Variants in ABCG4 observed in about 807,000 individuals in gnomAD.
ABCG4 encodes ATP-binding cassette sub-family G member 4.
Under a neutral mutation model 64.6 loss-of-function variants are expected in ABCG4, and 35 were observed. The ratio of observed to expected loss-of-function variants is 0.54; its 90% CI spans 0.41 to 0.72. The LOEUF is 0.72. ABCG4 is among the 30% of genes least tolerant of loss of function. The pLI is 0.00. For missense variants in ABCG4, 610 were observed against 846.3 expected, an observed-to-expected ratio of 0.72 and a Z score of 3.46; for synonymous variants, 326 against 348.2, an observed-to-expected ratio of 0.94 and a Z score of 0.71.
In ABCG4 at chr11:119,160,364, A is replaced by G. The variant is rs749677316; in HGVS notation, c.1575A>G (p.Gly525=). The G allele has an allele frequency of 6.2e-5, 100 of 1,611,304 alleles. No homozygotes were observed. Among genetic ancestry groups the G allele is most frequent in the Non-Finnish European group, 8.4e-5 (99 of 1,177,974 alleles). The part of the protein sequence containing the change: ...LVAQSLGLLI[G]AASNSLQVAT... ...CCCAATCTTTGGGGCTGCTGATCGG[A>G]GCTGCTTCCAACTCCCTACAGGTGG... is the stretch of plus-strand genomic sequence containing the variant. Residue 525 remains glycine, a synonymous_variant, in exon 13 of 15, where the codon GGA becomes GGG. Coordinates refer to ENST00000619701, the MANE Select transcript of ABCG4 (RefSeq NM_022169.5). This position sits in a 1 kb window ranked among gnomAD's most constrained non-coding sequence, Gnocchi z 4.6.
chr11:119,151,773 C>T (rs1948195723), intron 2 of ABCG4, among the ~76,000 whole-genome samples: 1 of 152,168 alleles, frequency 6.6e-6, no homozygotes, highest in South Asian at 2.1e-4. Flanking sequence ...CTACTGACGG[C>T]GGCAGAACTA....
rs764766670 is a variant in ABCG4, at chr11:119,149,948, T to G, written c.-12-6T>G. Reference sequence around the variant, plus strand: ...GCCCCAAACTGAGCAGGCCCTCCCCTTGCAGGTCGGCGGCGTGATGGCGGA... The same window carrying G: ...GCCCCAAACTGAGCAGGCCCTCCCCGTGCAGGTCGGCGGCGTGATGGCGGA... On this transcript the variant is annotated splice_region_variant and splice_polypyrimidine_tract_variant and intron_variant, in intron 1 of 14. Transcript: ENST00000619701. The surrounding 1 kb of genome is among the most constrained non-coding windows in gnomAD (Gnocchi z 8.3). 1.3e-6 allele frequency: 2 copies of G among 1,599,882 alleles called. No individual in the cohort carries two copies. Among genetic ancestry groups the G allele is most frequent in the South Asian group, 2.2e-5 (2 of 90,752 alleles).
In ABCG4 at chr11:119,158,972, T is replaced by C. The variant is rs1192687040; in HGVS notation, c.1437+43T>C. On this transcript the variant is annotated intron_variant, in intron 12 of 14. Transcript: ENST00000619701. This position sits in a 1 kb window ranked among gnomAD's most constrained non-coding sequence, Gnocchi z 4.5. ...ACCTGCCCACTGCCTCCATCTTGTC[T>C]TGCTCCTTCTATCCTTGCTTTCTTG... 4 of 1,577,968 alleles carry C rather than the reference T, an allele frequency of 2.5e-6. No homozygotes were observed. The African/African-American group carries it at 5.4e-5, about 21-fold the overall frequency.
rs1948290275 is a variant in ABCG4 at position 119,158,082 on chromosome 11, C to A, written c.1069-152C>A. On this transcript the variant is annotated intron_variant, in intron 9 of 14. Coordinates refer to ENST00000619701, the MANE Select transcript of ABCG4 (RefSeq NM_022169.5). The surrounding 1 kb of genome is among the most constrained non-coding windows in gnomAD (Gnocchi z 4.5). ...GATTCATACCCCTAAGCCTAGCTTTCAGGTACACAACTTAATGGTACAAGA... is the reference window on the plus strand; with the variant it reads ...GATTCATACCCCTAAGCCTAGCTTTAAGGTACACAACTTAATGGTACAAGA... 3.0e-6 allele frequency: 2 copies of A among 660,156 alleles called. No individual in the cohort carries two copies. The highest frequency in any genetic ancestry group is 2.5e-5 in the Admixed American group (1 of 39,570). 40.9% of individuals were successfully genotyped at this position (660,156 alleles called of 1,614,324 possible).
chr11:119,159,412 C>G (rs1948315587), intron 12 of ABCG4, among the ~76,000 whole-genome samples: 1 of 152,124 alleles, frequency 6.6e-6, no homozygotes, highest in Admixed American at 6.5e-5. Flanking sequence ...CTCTGTAACT[C>G]TTATTAGGGG....
In ABCG4 at chr11:119,149,804, G is replaced by T. The variant is rs1349343023; in HGVS notation, c.-12-150G>T. On this transcript the variant is annotated intron_variant, in intron 1 of 14. Coordinates refer to ENST00000619701, the MANE Select transcript of ABCG4 (RefSeq NM_022169.5). This position sits in a 1 kb window ranked among gnomAD's most constrained non-coding sequence, Gnocchi z 8.3. ...GACTGAGCGTCTCCGTGCGGAGAGTGGGGGGCGGGGGCAGAGTGCGGGGCT... is the reference window on the plus strand; with the variant it reads ...GACTGAGCGTCTCCGTGCGGAGAGTTGGGGGCGGGGGCAGAGTGCGGGGCT... 8 of 1,251,880 alleles carry T rather than the reference G, an allele frequency of 6.4e-6. No homozygotes were observed. The highest frequency in any genetic ancestry group is 2.8e-5 in the Admixed American group (1 of 35,836). The allele number at this position is 1,251,880 out of a possible 1,614,324, so 77.5% of individuals were successfully genotyped here.
chr11:119,149,797 G>C lies in ABCG4; in HGVS notation c.-12-157G>C. The C allele has an allele frequency of 8.2e-7, 1 of 1,219,540 alleles. No individual in the cohort carries two copies. Among genetic ancestry groups the C allele is most frequent in the Non-Finnish European group, 1.1e-6 (1 of 900,628 alleles). 75.5% of individuals were successfully genotyped at this position (1,219,540 alleles called of 1,614,324 possible). On this transcript the variant is annotated intron_variant, in intron 1 of 14. Coordinates refer to ENST00000619701, the MANE Select transcript of ABCG4 (RefSeq NM_022169.5). The surrounding 1 kb of genome is among the most constrained non-coding windows in gnomAD (Gnocchi z 8.3). ...TGCCCGGGACTGAGCGTCTCCGTGCGGAGAGTGGGGGGCGGGGGCAGAGTG... is the reference window on the plus strand; with the variant it reads ...TGCCCGGGACTGAGCGTCTCCGTGCCGAGAGTGGGGGGCGGGGGCAGAGTG...
In ABCG4 at chr11:119,160,090, G is replaced by A; in HGVS notation, c.1438-137G>A. 1.1e-6 allele frequency: 1 copy of A among 917,730 alleles called. No individual in the cohort carries two copies. The highest frequency in any genetic ancestry group is 1.7e-5 in the South Asian group (1 of 57,502). The allele number at this position is 917,730 out of a possible 1,614,324, so 56.8% of individuals were successfully genotyped here. A position where few individuals can be genotyped will look rare whatever the true frequency, so the allele number is the denominator to read the frequency against. ...GGGACGTGTGTCAATCTGGGGGACA[G>A]CTTGAACAAGAATGTGGAGGCAGGA... is the stretch of plus-strand genomic sequence containing the variant. On this transcript the variant is annotated intron_variant, in intron 12 of 14. Transcript: ENST00000619701. The surrounding 1 kb of genome is among the most constrained non-coding windows in gnomAD (Gnocchi z 4.6).
rs536060950 is a variant in ABCG4 at position 119,161,047 on chromosome 11, C to T, written c.1882C>T (p.Leu628=). The stretch of plus-strand genomic sequence containing the variant: ...CTTCCTGGTCTTGGGCATCTTCTTC[C>T]TAGCCCTGCGGCTGCTGGCCTACCT... ...MDFLVLGIFF[L]ALRLLAYLVL... The change falls in exon 15 of 15, where the codon CTA becomes TTA. Residue 628 remains leucine (L), a synonymous_variant. Transcript: ENST00000619701. 4.3e-6 allele frequency: 7 copies of T among 1,613,942 alleles called. No homozygotes were observed. In the Admixed American group the frequency reaches 1.0e-4, roughly 23 times the overall value.
In ABCG4 at chr11:119,154,611, T is replaced by C. The variant is rs747955842; in HGVS notation, c.540+36T>C. ...AAGGGAGGCAGTGGGACCACTCCCTTTTGTGGTGCTGCTGAGCTCAAGGCC... is the reference window on the plus strand; with the variant it reads ...AAGGGAGGCAGTGGGACCACTCCCTCTTGTGGTGCTGCTGAGCTCAAGGCC... On this transcript the variant is annotated intron_variant, in intron 5 of 14. Coordinates refer to ENST00000619701, the MANE Select transcript of ABCG4 (RefSeq NM_022169.5). The surrounding 1 kb of genome is among the most constrained non-coding windows in gnomAD (Gnocchi z 7.0). 30 of 1,608,986 alleles carry C rather than the reference T, an allele frequency of 1.9e-5. No individual in the cohort carries two copies. The highest frequency in any genetic ancestry group is 2.4e-5 in the Non-Finnish European group (28 of 1,178,182).
Position 119,158,930 on chromosome 11 carries a change from G to C in ABCG4, c.1437+1G>C. ...GACCATGGCTGACGTGCCCTTTCAG[G>C]TGGGCCTCTTCCTCCCACCTGCCCA... On this transcript the variant is annotated splice_donor_variant, in intron 12 of 14. Transcript: ENST00000619701. LOFTEE classifies it high-confidence loss of function. The surrounding 1 kb of genome is among the most constrained non-coding windows in gnomAD (Gnocchi z 4.5). The C allele has an allele frequency of 1.2e-6, 2 of 1,614,054 alleles. No homozygotes were observed. The highest frequency in any genetic ancestry group is 4.5e-5 in the East Asian group (2 of 44,880).
chr11:119,152,432 A>T (rs777767764), intron 2 of ABCG4, among the ~76,000 whole-genome samples: 1 of 152,168 alleles, frequency 6.6e-6, no homozygotes, highest in Non-Finnish European at 1.5e-5. Context: ...GGTGTCGTGG[A>T]GGGAGGGTTA....
In ABCG4 at chr11:119,150,010, G is replaced by C; in HGVS notation, c.45G>C (p.Pro15=). The stretch of plus-strand genomic sequence containing the variant: ...AGGCCGTGGGCTGTGGACTAGGGCC[G>C]GGGGCTGTGGCCATGGCCGTGACGC... ...ALEAVGCGLG[P]GAVAMAVTLE... The change falls in exon 2 of 15, where the codon CCG becomes CCC. Residue 15 remains proline, a synonymous_variant. Transcript: ENST00000619701. The surrounding 1 kb of genome is among the most constrained non-coding windows in gnomAD (Gnocchi z 4.3). The C allele has an allele frequency of 6.2e-7, 1 of 1,611,660 alleles. No homozygotes were observed. Among genetic ancestry groups the C allele is most frequent in the Non-Finnish European group, 8.5e-7 (1 of 1,179,896 alleles).
chr11:119,154,862 C>T lies in ABCG4; in HGVS notation c.633C>T (p.Ile211=), dbSNP rs140298630. 1.2e-4 allele frequency: 194 copies of T among 1,613,950 alleles called. No individual in the cohort carries two copies. The highest frequency in any genetic ancestry group is 1.5e-4 in the Non-Finnish European group (176 of 1,179,804). Residue 211 remains isoleucine, a synonymous_variant, in exon 6 of 15, where the codon ATC becomes ATT. Coordinates refer to ENST00000619701, the MANE Select transcript of ABCG4 (RefSeq NM_022169.5). This position sits in a 1 kb window ranked among gnomAD's most constrained non-coding sequence, Gnocchi z 7.0. ...LSGGQRKRLA[I]ALELVNNPPV... ...GCGGGCAGAGGAAGCGTCTGGCCAT[C>T]GCCCTGGAGCTGGTCAACAACCCGC... is the stretch of plus-strand genomic sequence containing the variant.
chr11:119,159,004 T>C (rs1446741357), intron 12 of ABCG4, 75 bp downstream of exon 12: 2 of 1,402,910 alleles, frequency 1.4e-6, no homozygotes, highest in Non-Finnish European at 1.0e-6. Flanking sequence ...CTTGCCTCCC[T>C]CAAACTTGTC....
Position 119,156,777 on chromosome 11 carries a change from C to A in ABCG4, c.926-95C>A. On this transcript the variant is annotated intron_variant, in intron 8 of 14. Transcript: ENST00000619701. This position sits in a 1 kb window ranked among gnomAD's most constrained non-coding sequence, Gnocchi z 5.5. ...GGCCTCCTAGGGGTAGAGATCTCAC[C>A]GTCGCCTGCCTTCCCCACACACCCA... 1.3e-6 allele frequency: 2 copies of A among 1,585,802 alleles called. No individual in the cohort carries two copies. The highest frequency in any genetic ancestry group is 1.7e-6 in the Non-Finnish European group (2 of 1,158,238).
chr11:119,153,668 T>A (rs1592303595), intron 2 of ABCG4: 1 of 216,782 alleles, frequency 4.6e-6, no homozygotes, highest in East Asian at 1.0e-4. Context: ...GCTGTAGTAG[T>A]GGGAGTTTTC....
rs1211588013 is a variant in ABCG4 at position 119,149,991 on chromosome 11, T to A, written c.26T>A (p.Val9Glu). Reference sequence around the variant, plus strand: ...ATGGCGGAGAAGGCGCTGGAGGCCGTGGGCTGTGGACTAGGGCCGGGGGCT... The same window carrying A: ...ATGGCGGAGAAGGCGCTGGAGGCCGAGGGCTGTGGACTAGGGCCGGGGGCT... MAEKALEAVGCGLGPGAVA... is the reference protein window; with the variant it reads MAEKALEAEGCGLGPGAVA... The change falls in exon 2 of 15, where the codon GTG (valine) becomes GAG (glutamate). Residue 9 changes from valine (V) to glutamate (E), a missense_variant. Coordinates refer to ENST00000619701, the MANE Select transcript of ABCG4 (RefSeq NM_022169.5). This position sits in a 1 kb window ranked among gnomAD's most constrained non-coding sequence, Gnocchi z 8.3. 1.4e-5 allele frequency: 22 copies of A among 1,609,398 alleles called. No homozygotes were observed. Among genetic ancestry groups the A allele is most frequent in the Non-Finnish European group, 1.9e-5 (22 of 1,179,782 alleles).
intron 9 of ABCG4, 91 bp downstream of exon 9, chr11:119,157,105 G>A: frequency 6.7e-7 from 1 of 1,498,026 alleles, no homozygotes; most frequent in East Asian, 2.3e-5. Flanking sequence ...CTGTTCCCCA[G>A]AGGCATTGCA....
Sources: allele counts gnomAD v4.1 joint callset (sites outside exome capture counted in the v4.1 genomes callset), GRCh38; gene constraint gnomAD v4.1.1; non-coding constraint Gnocchi (gnomAD v3.1); transcripts MANE v1.5; gene names NCBI Gene and HGNC (gene_info 2026-07-23, HGNC 2026-07-21).